The following PGBD1 variants were observed in gnomAD, a reference collection of about 807,000 sequenced individuals.
PGBD1 encodes the protein piggyBac transposable element-derived protein 1.
PGBD1 carries 25 observed loss-of-function variants against 34.7 expected under a neutral mutation model. That is an observed-to-expected ratio of 0.72 (90% confidence interval 0.52 to 1.00). The LOEUF is 1.00. PGBD1 is among the 50% of genes least tolerant of loss of function. The pLI is 0.00. For missense variants in PGBD1, 830 were observed against 959.4 expected (o/e 0.87, Z 1.78); for synonymous variants, 292 against 335.7 (o/e 0.87, Z 1.42).
chr6:28,285,966 C>G (rs60362901), intron 3 of PGBD1, among the ~76,000 whole-genome samples: 9 of 152,304 alleles, frequency 5.9e-5, no homozygotes, highest in African/African-American at 2.2e-4. Flanking sequence ...CATCTTATAA[C>G]TGCAAGTTTA....
At chr6:28,298,146 G>T (rs1195619570) in intron 6 of PGBD1, among the ~76,000 whole-genome samples, 155 bp downstream of exon 6, 2 of 152,114 alleles carry the variant, frequency 1.3e-5, no homozygotes, top group Admixed American at 6.5e-5. Flanking sequence ...TGCCAAGAAA[G>T]TGACCTATTC....
intron 5 of PGBD1, 50 bp from the exon 6 acceptor site, chr6:28,297,845 T>TTAAAAATAAAAAAAAAAAAA: frequency 3.5e-6 from 1 of 283,634 alleles, no homozygotes; most frequent in African/African-American, 3.5e-5. Flanking sequence ...TTTTTTTTTT[T>TTAAAAATAAAAAAAAAAAAA]CAAAATTCAC....
In PGBD1 at chr6:28,301,251, T is replaced by G; in HGVS notation, c.1397T>G (p.Leu466Trp). The G allele has an allele frequency of 1.2e-6, 2 of 1,614,170 alleles. No homozygotes were observed. Among genetic ancestry groups the G allele is most frequent in the Non-Finnish European group, 1.7e-6 (2 of 1,180,018 alleles). Reference sequence around the variant, plus strand: ...AGGTGTGTGTTTGGTGTCTTACTTTTGAGTGGATTTATGAGGCATCCTAGA... The same window carrying G: ...AGGTGTGTGTTTGGTGTCTTACTTTGGAGTGGATTTATGAGGCATCCTAGA... Reference protein sequence around the residue: ...EMRCVFGVLLLSGFMRHPRRE... With the variant: ...EMRCVFGVLLWSGFMRHPRRE... Residue 466 changes from leucine to tryptophan, a missense_variant, in exon 7 of 7, where the codon TTG becomes TGG. This residue lies in a region of PGBD1 where 372 missense variants were observed against 427.9 expected (regional missense o/e 0.87). Coordinates refer to ENST00000682144, the MANE Select transcript of PGBD1 (RefSeq NM_032507.4).
chr6:28,298,052 C>T, intron 6 of PGBD1, 61 bp downstream of exon 6: 2 of 1,184,004 alleles, frequency 1.7e-6, no homozygotes, highest in Non-Finnish European at 1.2e-6. Flanking sequence ...GGAATGGAAT[C>T]AGAGAAACCA....
intron 4 of PGBD1, among the ~76,000 whole-genome samples, chr6:28,296,186 T>A (rs1027411439): frequency 2.0e-5 from 3 of 152,218 alleles, no homozygotes; most frequent in African/African-American, 7.2e-5. Flanking sequence ...TTTTAAACAA[T>A]CTTTGTTGAT....
rs765149358 is a variant in PGBD1, at chr6:28,301,404, A to G, written c.1550A>G (p.Asp517Gly). 8.1e-6 allele frequency: 13 copies of G among 1,614,126 alleles called. No homozygotes were observed. In the East Asian group the frequency reaches 2.5e-4, roughly 30 times the overall value. ...FADNGHLDQKDKFTKLRPLIK... is the reference protein window; with the variant it reads ...FADNGHLDQKGKFTKLRPLIK... ...GATAATGGCCACCTAGATCAAAAAG[A>G]TAAGTTTACAAAGTTGAGACCTCTC... Residue 517 changes from aspartate (D) to glycine (G), a missense_variant, in exon 7 of 7, where the codon GAT (aspartate) becomes GGT (glycine). Around this residue, in one of 3 missense-constraint regions of PGBD1, gnomAD observed 372 missense variants for 427.9 expected, o/e 0.87. Transcript: ENST00000682144.
chr6:28,283,984 A>G lies in PGBD1; in HGVS notation c.171A>G (p.Gly57=), dbSNP rs374895380. The change falls in exon 2 of 7, where the codon GGA becomes GGG. Residue 57 remains glycine (G), a synonymous_variant. Transcript: ENST00000682144. ...FRHFCYQEAH[G]PQEALAQLRE... ...ACTTCTGCTACCAGGAGGCTCACGG[A>G]CCCCAGGAAGCTCTGGCCCAACTCC... 1.2e-6 allele frequency: 2 copies of G among 1,613,974 alleles called. No homozygotes were observed. The highest frequency in any genetic ancestry group is 2.7e-5 in the African/African-American group (2 of 74,892).
At chr6:28,287,481 A>G (rs1762323287) in intron 4 of PGBD1, among the ~76,000 whole-genome samples, 1 of 152,026 alleles carries the variant, frequency 6.6e-6, no homozygotes, top group Non-Finnish European at 1.5e-5. Context: ...AGTAACTGAT[A>G]TTTTCTCCTT....
At position 28,284,145 on chromosome 6, in the gene PGBD1, G is replaced by A; in HGVS notation, c.332G>A (p.Ser111Asn). Residue 111 changes from serine to asparagine, a missense_variant, in exon 2 of 7, where the codon AGT (serine) becomes AAT (asparagine). Around this residue, in one of 3 missense-constraint regions of PGBD1, gnomAD observed 457 missense variants for 515.4 expected, o/e 0.89. Transcript: ENST00000682144. ...TGTGTGAAGACATATCCTCTGGAGAGTGGAGAGGAGGCAGTGACAGTGCTG... is the reference window on the plus strand; with the variant it reads ...TGTGTGAAGACATATCCTCTGGAGAATGGAGAGGAGGCAGTGACAGTGCTG... ...QPCVKTYPLESGEEAVTVLEN... is the reference protein window; with the variant it reads ...QPCVKTYPLENGEEAVTVLEN... 6.2e-7 allele frequency: 1 copy of A among 1,605,992 alleles called. No individual in the cohort carries two copies. Among genetic ancestry groups the A allele is most frequent in the Non-Finnish European group, 8.5e-7 (1 of 1,175,316 alleles).
At chr6:28,291,311 GAAC>G (rs1161155333) in intron 4 of PGBD1, among the ~76,000 whole-genome samples, 1 of 151,688 alleles carries the variant, frequency 6.6e-6, no homozygotes, top group East Asian at 1.9e-4. Context: ...AGAGACTTAT[GAAC>G]AACTATGACA....
chr6:28,300,838 CTCA>C lies in PGBD1; in HGVS notation c.987_989del (p.Ser330del). ...GTGATTTGTGGGCCCGCATGCACAT[CTCA>C]TCCCTGGAATATGCTGCAGGAGACA... On this transcript the variant is annotated inframe_deletion, in exon 7 of 7. Transcript: ENST00000682144. The surrounding 1 kb of genome is among the most constrained non-coding windows in gnomAD (Gnocchi z 4.0). 6.2e-7 allele frequency: 1 copy of C among 1,614,124 alleles called. No individual in the cohort carries two copies. The highest frequency in any genetic ancestry group is 1.3e-5 in the African/African-American group (1 of 75,002).
intron 4 of PGBD1, among the ~76,000 whole-genome samples, chr6:28,289,365 A>G (rs928006011): frequency 1.1e-4 from 17 of 152,354 alleles, no homozygotes; most frequent in South Asian, 6.2e-4. Flanking sequence ...TATATGAAGG[A>G]GAAAGTCTTT....
chr6:28,301,212 C>T lies in PGBD1; in HGVS notation c.1358C>T (p.Thr453Ile). 1 of 1,614,138 alleles carries T rather than the reference C, an allele frequency of 6.2e-7. No homozygotes were observed. ...ASQKNVSLEV[T>I]VQEMRCVFGV... ...CAGAAAAATGTCAGCTTGGAAGTCACAGTTCAGGAAATGAGGTGTGTGTTT... is the reference window on the plus strand; with the variant it reads ...CAGAAAAATGTCAGCTTGGAAGTCATAGTTCAGGAAATGAGGTGTGTGTTT... The change falls in exon 7 of 7, where the codon ACA (threonine) becomes ATA (isoleucine). Residue 453 changes from threonine (T) to isoleucine (I), a missense_variant. Around this residue, in one of 3 missense-constraint regions of PGBD1, gnomAD observed 372 missense variants for 427.9 expected, o/e 0.87. Transcript: ENST00000682144.
In PGBD1 at chr6:28,283,955, C is replaced by T. The variant is rs1172498085; in HGVS notation, c.142C>T (p.Arg48Trp). Residue 48 changes from arginine (R) to tryptophan (W), a missense_variant, in exon 2 of 7, where the codon CGG becomes TGG. By Grantham distance (101) the Arg-to-Trp change is moderately radical. This residue lies in a region of PGBD1 where 457 missense variants were observed against 515.4 expected (regional missense o/e 0.89). Transcript: ENST00000682144. ...HTQEICRLRF[R>W]HFCYQEAHGP... Reference sequence around the variant, plus strand: ...TCAGGAGATTTGCCGCCTGCGCTTTCGGCACTTCTGCTACCAGGAGGCTCA... The same window carrying T: ...TCAGGAGATTTGCCGCCTGCGCTTTTGGCACTTCTGCTACCAGGAGGCTCA... 8.7e-6 allele frequency: 14 copies of T among 1,614,072 alleles called. No homozygotes were observed. The highest frequency in any genetic ancestry group is 4.5e-5 in the East Asian group (2 of 44,898).
intron 4 of PGBD1, 43 bp downstream of exon 4, chr6:28,287,211 T>G: frequency 2.0e-6 from 3 of 1,486,766 alleles, no homozygotes; most frequent in Non-Finnish European, 2.8e-6. Flanking sequence ...AGTAGTGGTC[T>G]TTCTCCCTCA....
rs1273198866 is a variant in PGBD1 at position 28,301,909 on chromosome 6, T to A, written c.2055T>A (p.Ile685=). The A allele has an allele frequency of 6.2e-7, 1 of 1,613,976 alleles. No homozygotes were observed. Among genetic ancestry groups the A allele is most frequent in the Non-Finnish European group, 8.5e-7 (1 of 1,179,992 alleles). ...GAATAGAAGAAAACAATGAGATAATTTTGTGTCGTTGGTATGGGGATGGCA... is the reference window on the plus strand; with the variant it reads ...GAATAGAAGAAAACAATGAGATAATATTGTGTCGTTGGTATGGGGATGGCA... ...DFRIEENNEI[I]LCRWYGDGII... is the part of the protein sequence containing the mutation. Residue 685 remains isoleucine (I), a synonymous_variant, in exon 7 of 7, where the codon ATT becomes ATA. Coordinates refer to ENST00000682144, the MANE Select transcript of PGBD1 (RefSeq NM_032507.4).
At chr6:28,287,053 T>G (rs1193390633) in intron 3 of PGBD1, 27 bp from the exon 4 acceptor site, 1 of 1,578,932 alleles carries the variant, frequency 6.3e-7, no homozygotes, top group South Asian at 1.1e-5. Flanking sequence ...ATGTCTCATT[T>G]AGGACTCTTG....
At position 28,296,929 on chromosome 6, in the gene PGBD1, G is replaced by A; in HGVS notation, c.756G>A (p.Met252Ile). 1 of 1,614,096 alleles carries A rather than the reference G, an allele frequency of 6.2e-7. No homozygotes were observed. The highest frequency in any genetic ancestry group is 8.5e-7 in the Non-Finnish European group (1 of 1,179,990). ...GGAACTCAGCTCAGGAGACAGTTAT[G>A]AGCCTCAGTCCGATGAGTAAGGCCA... ...LCGNSAQETV[M>I]SLSPMTEEIV... is the part of the protein sequence containing the mutation. Residue 252 changes from methionine (M) to isoleucine (I), a missense_variant, in exon 5 of 7, where the codon ATG (methionine) becomes ATA (isoleucine). Physicochemically the swap from Met to Ile is conservative, Grantham distance 10. This residue lies in a region of PGBD1 where 457 missense variants were observed against 515.4 expected (regional missense o/e 0.89). Transcript: ENST00000682144.
At chr6:28,287,231 C>A in intron 4 of PGBD1, 63 bp downstream of exon 4, 3 of 1,389,342 alleles carry the variant, frequency 2.2e-6, no homozygotes, top group Non-Finnish European at 3.1e-6. Context: ...ATTCCATGTT[C>A]CTTGCCCTTC....
Sources: gnomAD v4.1 joint callset for allele counts (sites outside exome capture counted in the v4.1 genomes callset) on GRCh38, gnomAD v4.1.1 for gene constraint, gnomAD v4.1.1 regional missense constraint, Gnocchi (gnomAD v3.1) non-coding constraint, MANE v1.5 for transcripts, NCBI Gene and HGNC (gene_info 2026-07-23, HGNC 2026-07-21) for gene names.